Variants in HERC4 observed in about 807,000 individuals in gnomAD.
HERC4 encodes the protein probable E3 ubiquitin-protein ligase HERC4.
A neutral mutation model predicts 124.3 loss-of-function variants in HERC4; 28 were observed. The observed-to-expected ratio is 0.23, with a 90% CI of 0.17 to 0.31. The LOEUF (loss-of-function observed/expected upper bound fraction) is 0.31. Among genes scored for constraint, HERC4 ranks in the 10% least tolerant of loss-of-function variants. HERC4 has a pLI of 1.00. For missense variants in HERC4, 713 were observed against 1,229.3 expected (o/e 0.58, Z 6.28); for synonymous variants, 407 against 421.5 (o/e 0.97, Z 0.42).
intron 20 of HERC4, among the ~76,000 whole-genome samples, chr10:67,939,873 T>C (rs1230785324): frequency 1.3e-5 from 2 of 152,152 alleles, no homozygotes; most frequent in African/African-American, 4.8e-5. Flanking sequence ...CTTATCACTT[T>C]TCTGAATACA....
chr10:68,036,357 T>C (rs1307046348), intron 5 of HERC4, among the ~76,000 whole-genome samples: 1 of 151,542 alleles, frequency 6.6e-6, no homozygotes, highest in Non-Finnish European at 1.5e-5. Context: ...AATAAGATAT[T>C]GCCTACACCA....
rs566268335 is a variant in HERC4, at chr10:67,952,146, C to T, written c.2337+2449G>A. On this transcript the variant is annotated intron_variant, in intron 19 of 24. Coordinates refer to ENST00000373700, the MANE Select transcript of HERC4 (RefSeq NM_015601.4). ...GTCACAATTTATTTATTTGTCCAAACCAAGTCCACACAAAGCTGAAATTCC... is the reference window on the plus strand; with the variant it reads ...GTCACAATTTATTTATTTGTCCAAATCAAGTCCACACAAAGCTGAAATTCC... 3.3e-5 allele frequency among the ~76,000 whole-genome samples: 5 copies of T among 152,312 alleles called. No individual in the cohort carries two copies. The East Asian group carries it at 9.6e-4, about 29-fold the overall frequency.
At chr10:68,073,514 T>A (rs1471588485) in intron 2 of HERC4, 143 bp downstream of exon 2, 1 of 162,356 alleles carries the variant, frequency 6.2e-6, no homozygotes, top group African/African-American at 2.4e-5. Flanking sequence ...TTTTTCTACT[T>A]TTTGCTTTAA....
chr10:68,048,432 C>T (rs1183926844), intron 3 of HERC4, among the ~76,000 whole-genome samples: 2 of 152,058 alleles, frequency 1.3e-5, no homozygotes, highest in East Asian at 3.8e-4. Context: ...ACTACATGAT[C>T]CCAACTATAT....
intron 19 of HERC4, among the ~76,000 whole-genome samples, chr10:67,947,695 A>C (rs925312100): frequency 1.3e-5 from 2 of 152,210 alleles, no homozygotes; most frequent in Non-Finnish European, 1.5e-5. Flanking sequence ...GATAGACCAT[A>C]TGTTAGGTCA....
At position 67,931,206 on chromosome 10, in the gene HERC4, G is replaced by A. The variant is rs189871170; in HGVS notation, c.2838+1391C>T. Among the ~76,000 whole-genome samples, 924 of 151,530 alleles carry A rather than the reference G, an allele frequency of 6.1e-3. 13 individuals are homozygous for A. The highest frequency in any genetic ancestry group is 0.021 in the African/African-American group (856 of 41,270). ...TATGTTGGTTGGCCAGGATGGTCTC[G>A]ATCTCTTAACCTCGTGATCCGCCCG... is the stretch of plus-strand genomic sequence containing the variant. On this transcript the variant is annotated intron_variant, in intron 23 of 24. Transcript: ENST00000373700.
At chr10:68,009,251 C>T (rs917724394) in intron 9 of HERC4, among the ~76,000 whole-genome samples, 1 of 151,506 alleles carries the variant, frequency 6.6e-6, no homozygotes, top group African/African-American at 2.4e-5. Context: ...GATGTTTATA[C>T]GATACTGTAG....
chr10:67,975,445 GTT>G (rs1203857720), intron 15 of HERC4, among the ~76,000 whole-genome samples: 1 of 152,022 alleles, frequency 6.6e-6, no homozygotes, highest in Non-Finnish European at 1.5e-5. Context: ...CACCTCCCAG[GTT>G]CAAACAATTC....
chr10:67,935,380 C>T (rs1370589194), intron 22 of HERC4, among the ~76,000 whole-genome samples: 2 of 152,034 alleles, frequency 1.3e-5, no homozygotes, highest in African/African-American at 2.4e-5. Context: ...GTCGTGACCT[C>T]GTGATCCGCC....
chr10:68,021,079 A>G lies in HERC4; in HGVS notation c.908+4467T>C, dbSNP rs570592875. ...CAAATATGGGGAAAGACATGAATCT[A>G]AACATCCATAAGCCCCAATGAATTC... On this transcript the variant is annotated intron_variant, in intron 8 of 24. Transcript: ENST00000373700. Among the ~76,000 whole-genome samples the G allele has an allele frequency of 2.0e-5, 3 of 152,338 alleles. No homozygotes were observed. In the South Asian group the frequency reaches 6.2e-4, roughly 32 times the overall value.
chr10:68,029,144 C>T (rs2039059293), intron 7 of HERC4, among the ~76,000 whole-genome samples: 1 of 152,066 alleles, frequency 6.6e-6, no homozygotes, highest in Non-Finnish European at 1.5e-5. Flanking sequence ...TGCCACTGCA[C>T]TCCAACTTGA....
At chr10:68,055,782 C>G (rs2040518512) in intron 3 of HERC4, among the ~76,000 whole-genome samples, 1 of 148,920 alleles carries the variant, frequency 6.7e-6, no homozygotes, top group Non-Finnish European at 1.5e-5. Context: ...GACAGAGTCT[C>G]GCTCTGTAAC....
chr10:67,995,362 T>TTAC (rs2036807697), intron 9 of HERC4: 4 of 222,664 alleles, frequency 1.8e-5, no homozygotes, highest in South Asian at 3.8e-5. Flanking sequence ...CTCCCTATTA[T>TTAC]ATAGTTATCT....
intron 23 of HERC4, among the ~76,000 whole-genome samples, chr10:67,927,613 A>T (rs1174249483): frequency 6.6e-6 from 1 of 151,288 alleles, no homozygotes; most frequent in Admixed American, 6.6e-5. Flanking sequence ...TTTAGTAGAG[A>T]CGGGGGTTTC....
intron 9 of HERC4, among the ~76,000 whole-genome samples, chr10:68,000,945 G>T (rs1484992420): frequency 3.3e-5 from 5 of 152,170 alleles, no homozygotes; most frequent in African/African-American, 1.2e-4. Flanking sequence ...TTTGTGGTAG[G>T]TTGTTACAAG....
At chr10:68,056,403 T>C (rs1438950866) in intron 3 of HERC4, among the ~76,000 whole-genome samples, 1 of 152,170 alleles carries the variant, frequency 6.6e-6, no homozygotes, top group Non-Finnish European at 1.5e-5. Flanking sequence ...AGTATTTCAC[T>C]GTGGTTTTAG....
At chr10:67,926,028 T>G (rs1274846725) in intron 23 of HERC4, among the ~76,000 whole-genome samples, 1 of 152,204 alleles carries the variant, frequency 6.6e-6, no homozygotes, top group African/African-American at 2.4e-5. Context: ...AACAAGAGTT[T>G]CATTGTTATT....
intron 7 of HERC4, among the ~76,000 whole-genome samples, chr10:68,030,894 G>C (rs886489881): frequency 6.6e-6 from 1 of 152,086 alleles, no homozygotes; most frequent in Non-Finnish European, 1.5e-5. Flanking sequence ...TTAAAAGTTG[G>C]TTTTAAAATC....
chr10:67,981,279 G>A (rs1272919202), intron 15 of HERC4, among the ~76,000 whole-genome samples: 2 of 152,186 alleles, frequency 1.3e-5, no homozygotes, highest in African/African-American at 4.8e-5. Context: ...AGTGTAAGAA[G>A]AGACAAAGAA....
Sources: gnomAD v4.1 joint callset for allele counts (sites outside exome capture counted in the v4.1 genomes callset) on GRCh38, gnomAD v4.1.1 for gene constraint, MANE v1.5 for transcripts, NCBI Gene and HGNC (gene_info 2026-07-23, HGNC 2026-07-21) for gene names.